LMBR1: variants seen among roughly 807,000 people sequenced by gnomAD.
The protein encoded by LMBR1 is limb development membrane protein 1, also known as limb region 1 protein homolog.
LMBR1 carries 52 observed loss-of-function variants against 73.9 expected under a neutral mutation model. The ratio of observed to expected loss-of-function variants is 0.70; its 90% CI spans 0.56 to 0.89. LMBR1 has a LOEUF of 0.89. LMBR1 is among the 40% of genes least tolerant of loss of function. The pLI is 0.00. For missense variants in LMBR1, 539 were observed against 579.8 expected (o/e 0.93, Z 0.72); for synonymous variants, 215 against 209.4 (o/e 1.03, Z -0.23).
intron 15 of LMBR1, among the ~76,000 whole-genome samples, chr7:156,702,090 T>C (rs1311867958): frequency 3.3e-5 from 5 of 152,196 alleles, no homozygotes; most frequent in Admixed American, 6.5e-5. Context: ...AATGAACATA[T>C]ATGTGCATGT....
intron 5 of LMBR1, among the ~76,000 whole-genome samples, chr7:156,775,276 G>T (rs937368722): frequency 1.3e-5 from 2 of 152,114 alleles, no homozygotes; most frequent in Non-Finnish European, 2.9e-5. Flanking sequence ...GCCGAGGCAG[G>T]AGAATCACTT....
Position 156,721,572 on chromosome 7 carries a change from C to A in LMBR1, c.1225+2540G>T, listed in dbSNP as rs1563209489. The stretch of plus-strand genomic sequence containing the variant: ...TAAAAATACAGACATCAAATCTCCC[C>A]AAATTTTGGATTCTGAAAACTTAAA... On this transcript the variant is annotated intron_variant, in intron 15 of 16. Coordinates refer to ENST00000353442, the MANE Select transcript of LMBR1 (RefSeq NM_022458.4). 2.0e-5 allele frequency among the ~76,000 whole-genome samples: 3 copies of A among 152,160 alleles called. No homozygotes were observed. In the South Asian group the frequency reaches 6.2e-4, roughly 32 times the overall value.
chr7:156,797,455 T>C (rs192623830), intron 4 of LMBR1, among the ~76,000 whole-genome samples: 2 of 152,244 alleles, frequency 1.3e-5, no homozygotes, highest in African/African-American at 4.8e-5. Context: ...TATAATTCAA[T>C]GTTTTTGAAA....
rs1375034635 is a variant in LMBR1, at chr7:156,688,023, G to A, written c.1387+7C>T. The A allele has an allele frequency of 2.0e-5, 31 of 1,576,332 alleles. No individual in the cohort carries two copies. Among genetic ancestry groups the A allele is most frequent in the Non-Finnish European group, 2.5e-5 (29 of 1,166,644 alleles). ...GAGGAAAAAATACCCATAAACCTCA[G>A]GATTACCTAGGGCCTTGAAAAGTTC... On this transcript the variant is annotated splice_region_variant and intron_variant, in intron 16 of 16. Transcript: ENST00000353442.
intron 1 of LMBR1, among the ~76,000 whole-genome samples, chr7:156,842,408 T>A (rs116404388): frequency 0.02 from 2,769 of 140,570 alleles, 124 homozygotes; most frequent in African/African-American, 0.064. Flanking sequence ...GTTATATTAT[T>A]TTTTACTTTT....
intron 4 of LMBR1, among the ~76,000 whole-genome samples, chr7:156,803,424 G>C (rs1240270598): frequency 1.3e-5 from 2 of 152,136 alleles, no homozygotes; most frequent in African/African-American, 4.8e-5. Flanking sequence ...CTGGCCATCA[G>C]AGAAATGCAA....
chr7:156,762,846 A>AGTGTGTTTGTGTGTGTGTGTGT (rs1554505711), intron 7 of LMBR1, among the ~76,000 whole-genome samples: 2 of 148,628 alleles, frequency 1.3e-5, no homozygotes, highest in African/African-American at 4.9e-5. Flanking sequence ...TGTGAGTGTG[A>AGTGTGTTTGTGTGTGTGTGTGT]GTGTGTGTGT....
downstream of LMBR1, chr7:156,676,427 C>A (rs1437035203): frequency 6.2e-7 from 1 of 1,613,968 alleles, no homozygotes; most frequent in African/African-American, 1.3e-5. Flanking sequence ...AGGCTCTGCG[C>A]CGGGAGACCC....
chr7:156,763,601 G>T, intron 6 of LMBR1, 68 bp downstream of exon 6: 1 of 1,316,212 alleles, frequency 7.6e-7, no homozygotes, highest in South Asian at 1.5e-5. Context: ...TTTTAAAATT[G>T]AGTGTGTAAT....
chr7:156,892,621 A>T, intron 1 of LMBR1: 1 of 264,754 alleles, frequency 3.8e-6, no homozygotes, highest in Non-Finnish European at 7.1e-6. Context: ...GAAGGGCAGC[A>T]CCGAGGCCGC....
At chr7:156,703,439 C>T (rs759036934) in intron 15 of LMBR1, among the ~76,000 whole-genome samples, 3 of 152,120 alleles carry the variant, frequency 2.0e-5, no homozygotes, top group Admixed American at 6.5e-5. Flanking sequence ...GCATCTCCCA[C>T]GGCCCTAAGC....
chr7:156,697,992 G>T (rs756024961), intron 15 of LMBR1, among the ~76,000 whole-genome samples: 1 of 152,120 alleles, frequency 6.6e-6, no homozygotes, highest in South Asian at 2.1e-4. Context: ...CCCTCCATTC[G>T]TGGTCCGTGA....
intron 4 of LMBR1, among the ~76,000 whole-genome samples, chr7:156,821,116 T>C (rs1279259324): frequency 6.6e-6 from 1 of 152,224 alleles, no homozygotes; most frequent in East Asian, 1.9e-4. Context: ...CTGAATGTTT[T>C]CCGACCCACC....
intron 9 of LMBR1, among the ~76,000 whole-genome samples, chr7:156,749,881 G>C (rs1196562928): frequency 2.0e-5 from 3 of 152,000 alleles, no homozygotes; most frequent in African/African-American, 7.3e-5. Flanking sequence ...TAGAGACCGG[G>C]TTTCACCATG....
At chr7:156,866,522 C>T (rs990281815) in intron 1 of LMBR1, among the ~76,000 whole-genome samples, 3 of 150,758 alleles carry the variant, frequency 2.0e-5, no homozygotes, top group African/African-American at 4.9e-5. Context: ...TTGCAATAAA[C>T]CCTGTTACAG....
chr7:156,868,342 C>A (rs1798771804), intron 1 of LMBR1, among the ~76,000 whole-genome samples: 2 of 152,044 alleles, frequency 1.3e-5, no homozygotes, highest in Admixed American at 1.3e-4. Context: ...TACAGGCACA[C>A]ACCCCCATGC....
rs1289644494 is a variant in LMBR1 at position 156,681,663 on chromosome 7, G to A, written c.*2415C>T. On this transcript the variant is annotated 3_prime_UTR_variant, in exon 17 of 17. Coordinates refer to ENST00000353442, the MANE Select transcript of LMBR1 (RefSeq NM_022458.4). ...AGAGAGAATAAAAGGACTGCTTGAT[G>A]TGACAGTCACTGGTGCATCCCTATC... 2 of 152,354 alleles carry A rather than the reference G, an allele frequency of 1.3e-5. No individual in the cohort carries two copies. Among genetic ancestry groups the A allele is most frequent in the African/African-American group, 4.8e-5 (2 of 41,452 alleles). The allele number at this position is 152,354 out of a possible 1,614,324, so 9.4% of individuals were successfully genotyped here. A position where few individuals can be genotyped will look rare whatever the true frequency, so the allele number is the denominator to read the frequency against.
chr7:156,742,810 A>G (rs1819143362), intron 9 of LMBR1, among the ~76,000 whole-genome samples: 1 of 152,162 alleles, frequency 6.6e-6, no homozygotes, highest in African/African-American at 2.4e-5. Flanking sequence ...AAAGCAAACT[A>G]CAGACCAACA....
chr7:156,849,726 G>A (rs1795987606), intron 1 of LMBR1, among the ~76,000 whole-genome samples: 1 of 152,174 alleles, frequency 6.6e-6, no homozygotes, highest in Non-Finnish European at 1.5e-5. Flanking sequence ...TAAGGACAGT[G>A]AAACTATTCT....
Sources: gnomAD v4.1 joint callset for allele counts (sites outside exome capture counted in the v4.1 genomes callset) on GRCh38, gnomAD v4.1.1 for gene constraint, MANE v1.5 for transcripts, NCBI Gene and HGNC (gene_info 2026-07-23, HGNC 2026-07-21) for gene names.